Variants in DPP6 observed in about 807,000 individuals in gnomAD.
DPP6 encodes the protein A-type potassium channel modulatory protein DPP6.
Under a neutral mutation model 122.6 loss-of-function variants are expected in DPP6, and 69 were observed. That is an observed-to-expected ratio of 0.56 (90% CI 0.46 to 0.69). DPP6 has a LOEUF of 0.69. Ranked by LOEUF, DPP6 falls within the 30% of genes least tolerant of loss-of-function variation. The pLI is 0.00. For synonymous variants in DPP6, 418 were observed against 433.1 expected (o/e 0.97, Z 0.43); for missense variants, 928 against 1,116.9 (o/e 0.83, Z 2.41).
chr7:154,023,318 G>GCACGCACACGCGCACACA lies in DPP6; in HGVS notation c.51+135587_51+135588insGCACACGCGCACACACAC, dbSNP rs373378162. On this transcript the variant is annotated intron_variant, in intron 1 of 25. Transcript: ENST00000404039. ...CAGGCTCTGGAAATGTTTCTTGTCT[G>GCACGCACACGCGCACACA]CACACACACACACACACACACACAC... is the stretch of plus-strand genomic sequence containing the variant. Among the ~76,000 whole-genome samples the GCACGCACACGCGCACACA allele has an allele frequency of 6.2e-5, 8 of 129,618 alleles. No homozygotes were observed. In the South Asian group the frequency reaches 8.1e-4, roughly 13 times the overall value. The allele number at this position is 129,618 out of a possible 152,430, so 85.0% of individuals were successfully genotyped here. A position where few individuals can be genotyped will look rare whatever the true frequency, so the allele number is the denominator to read the frequency against.
chr7:154,209,448 A>C (rs1799620617), intron 1 of DPP6, among the ~76,000 whole-genome samples: 1 of 151,854 alleles, frequency 6.6e-6, no homozygotes, highest in Non-Finnish European at 1.5e-5. Flanking sequence ...GGCAGTGGTA[A>C]CTCTAGTTTT....
chr7:154,026,909 A>G (rs1206450956), intron 1 of DPP6: 3 of 151,464 alleles, frequency 2.0e-5, no homozygotes, highest in Non-Finnish European at 2.9e-5. Context: ...ATTATGATAT[A>G]AACAAATGAG....
In DPP6 at chr7:154,795,518, G is replaced by T. The variant is rs147511947; in HGVS notation, c.1261-327G>T. ...TCACTATTAGATGGACACATGCCCGGGCAGTGATGACCGCCCCCTGGTACA... is the reference window on the plus strand; with the variant it reads ...TCACTATTAGATGGACACATGCCCGTGCAGTGATGACCGCCCCCTGGTACA... On this transcript the variant is annotated intron_variant, in intron 11 of 25. Transcript: ENST00000377770. 3.3e-4 allele frequency among the ~76,000 whole-genome samples: 50 copies of T among 152,262 alleles called. No individual in the cohort carries two copies. The East Asian group carries it at 9.5e-3, about 29-fold the overall frequency.
At chr7:154,546,645 T>C (rs1434527595) in intron 4 of DPP6, among the ~76,000 whole-genome samples, 2 of 152,236 alleles carry the variant, frequency 1.3e-5, no homozygotes, top group Non-Finnish European at 2.9e-5. Context: ...TGTATCCTTC[T>C]TGGTTTTATA....
chr7:154,532,972 T>C (rs547954840), intron 3 of DPP6, among the ~76,000 whole-genome samples: 36 of 152,256 alleles, frequency 2.4e-4, no homozygotes, highest in African/African-American at 7.5e-4. Context: ...GTCATTCTTG[T>C]ACTCAGAAGA....
chr7:154,642,550 A>G (rs868685605), intron 6 of DPP6, among the ~76,000 whole-genome samples: 8 of 152,220 alleles, frequency 5.3e-5, no homozygotes, highest in South Asian at 4.2e-4. Context: ...AGATTGTACC[A>G]TTGCACTCCA....
At chr7:154,294,600 A>C (rs1805414776) in intron 1 of DPP6, among the ~76,000 whole-genome samples, 4 of 152,178 alleles carry the variant, frequency 2.6e-5, no homozygotes. Flanking sequence ...TACATAAGAC[A>C]TTCTCCTATG....
At chr7:154,517,760 G>A (rs1826639706) in intron 3 of DPP6, among the ~76,000 whole-genome samples, 1 of 152,166 alleles carries the variant, frequency 6.6e-6, no homozygotes. Flanking sequence ...CAGCGGTGTT[G>A]TGTCCGGAAA....
chr7:154,641,730 A>G (rs1836106441), intron 6 of DPP6, among the ~76,000 whole-genome samples: 1 of 152,220 alleles, frequency 6.6e-6, no homozygotes, highest in African/African-American at 2.4e-5. Flanking sequence ...TGAAAGACAT[A>G]TGGACTTTTT....
At chr7:154,022,400 G>A (rs1249230132) in intron 1 of DPP6, among the ~76,000 whole-genome samples, 1 of 152,206 alleles carries the variant, frequency 6.6e-6, no homozygotes, top group African/African-American at 2.4e-5. Flanking sequence ...CCTTTGGGAG[G>A]GAAGGAGAGA....
intron 1 of DPP6, among the ~76,000 whole-genome samples, chr7:153,908,029 G>GTTTTT (rs34826354): frequency 5.3e-5 from 6 of 113,900 alleles, no homozygotes; most frequent in African/African-American, 6.6e-5. Flanking sequence ...GAGGCTGGAA[G>GTTTTT]TTTTTTTTTT....
At chr7:154,286,238 G>A (rs1326020010) in intron 1 of DPP6, among the ~76,000 whole-genome samples, 4 of 152,014 alleles carry the variant, frequency 2.6e-5, no homozygotes, top group African/African-American at 4.8e-5. Context: ...AATTGACCCC[G>A]AGATCCCAGC....
At chr7:153,782,339 G>C in the DPP6 span, among the ~76,000 whole-genome samples, 2 of 152,164 alleles carry the variant, frequency 1.3e-5, no homozygotes, top group African/African-American at 4.8e-5. Context: ...TGGTGGGCAG[G>C]TGGGAAGCCT....
intron 1 of DPP6, among the ~76,000 whole-genome samples, chr7:154,021,577 C>T (rs184247239): frequency 9.2e-5 from 14 of 152,260 alleles, no homozygotes; most frequent in Admixed American, 2.0e-4. Context: ...ATATCCCAAA[C>T]GAGGGCCAGT....
At chr7:154,201,048 G>A (rs1390925680) in intron 1 of DPP6, among the ~76,000 whole-genome samples, 3 of 152,280 alleles carry the variant, frequency 2.0e-5, no homozygotes, top group South Asian at 2.1e-4. Flanking sequence ...ATATTCTGAC[G>A]TGGTCAAGTT....
At chr7:154,779,341 C>CACTTCT in intron 10 of DPP6, among the ~76,000 whole-genome samples, 1 of 151,066 alleles carries the variant, frequency 6.6e-6, no homozygotes, top group Non-Finnish European at 1.5e-5. Context: ...CCACCATCAT[C>CACTTCT]ACTTCTACTT....
At chr7:154,232,124 A>G (rs1202746492) in intron 1 of DPP6, among the ~76,000 whole-genome samples, 1 of 152,176 alleles carries the variant, frequency 6.6e-6, no homozygotes, top group Non-Finnish European at 1.5e-5. Flanking sequence ...AGGATAGGAC[A>G]AGCTGATAGG....
intron 1 of DPP6, among the ~76,000 whole-genome samples, chr7:154,162,048 A>T (rs574411657): frequency 1.5e-5 from 2 of 130,588 alleles, no homozygotes; most frequent in East Asian, 4.4e-4. Context: ...TTATTTAATT[A>T]TAAATATCTA....
At chr7:154,185,454 G>T (rs1357872104) in intron 1 of DPP6, among the ~76,000 whole-genome samples, 1 of 152,118 alleles carries the variant, frequency 6.6e-6, no homozygotes, top group Non-Finnish European at 1.5e-5. Context: ...TTCCATCAGT[G>T]CTTAGGGTCT....
Sources: gnomAD v4.1 joint callset for allele counts (sites outside exome capture counted in the v4.1 genomes callset) on GRCh38, gnomAD v4.1.1 for gene constraint, MANE v1.5 for transcripts, NCBI Gene and HGNC (gene_info 2026-07-23, HGNC 2026-07-21) for gene names.